Variants in BCR observed in about 807,000 individuals in gnomAD.
The protein encoded by BCR is breakpoint cluster region protein.
In BCR, 58 loss-of-function variants were observed where a neutral mutation model predicts 138.6. The observed-to-expected ratio is 0.42, with a 90% CI of 0.34 to 0.52. The LOEUF (loss-of-function observed/expected upper bound fraction) is 0.52. Ranked by LOEUF, BCR falls within the 20% of genes least tolerant of loss-of-function variation. The pLI, the probability that BCR is intolerant of heterozygous loss-of-function variation, is 0.06. For synonymous variants in BCR, 786 were observed against 730.1 expected (o/e 1.08, Z -1.23); for missense variants, 1,599 against 1,727.2 (o/e 0.93, Z 1.32).
intron 16 of BCR, among the ~76,000 whole-genome samples, chr22:23,297,258 G>A (rs544675143): frequency 3.3e-5 from 4 of 119,914 alleles, no homozygotes; most frequent in African/African-American, 1.3e-4. Flanking sequence ...TTTTGCTCTT[G>A]TTGCCCAGGC....
At chr22:23,284,519 C>T (rs1339420098) in intron 9 of BCR, among the ~76,000 whole-genome samples, 1 of 152,112 alleles carries the variant, frequency 6.6e-6, no homozygotes, top group Non-Finnish European at 1.5e-5. Flanking sequence ...CCAGGTTGCA[C>T]CAGGTTGGAA....
At position 23,227,683 on chromosome 22, in the gene BCR, A is replaced by G. The variant is rs572901186; in HGVS notation, c.1280-26116A>G. ...AGCATTCTCTCTCCTGTCACATCAG[A>G]CCCTTTGCTGGTTTAGATCACAATA... On this transcript the variant is annotated intron_variant, in intron 1 of 22. Coordinates refer to ENST00000305877, the MANE Select transcript of BCR (RefSeq NM_004327.4). Among the ~76,000 whole-genome samples, 24 of 152,296 alleles carry G rather than the reference A, an allele frequency of 1.6e-4. No individual in the cohort carries two copies. The South Asian group carries it at 2.1e-3, about 13-fold the overall frequency.
At chr22:23,226,613 G>C (rs989920968) in intron 1 of BCR, among the ~76,000 whole-genome samples, 1 of 152,192 alleles carries the variant, frequency 6.6e-6, no homozygotes, top group Non-Finnish European at 1.5e-5. Flanking sequence ...CCTGTCTGCT[G>C]CCTGTTTTTG....
At chr22:23,255,333 G>T (rs1197841745) in intron 2 of BCR, among the ~76,000 whole-genome samples, 1 of 152,164 alleles carries the variant, frequency 6.6e-6, no homozygotes. Flanking sequence ...CCCACGTCGA[G>T]TGTCAGCTTT....
intron 16 of BCR, among the ~76,000 whole-genome samples, chr22:23,301,617 C>T (rs1279755577): frequency 1.3e-5 from 2 of 152,242 alleles, no homozygotes; most frequent in African/African-American, 4.8e-5. Context: ...CCTCACTTCC[C>T]AAGTAACCGT....
At chr22:23,210,990 C>T (rs563524187) in intron 1 of BCR, among the ~76,000 whole-genome samples, 1 of 152,320 alleles carries the variant, frequency 6.6e-6, no homozygotes, top group Non-Finnish European at 1.5e-5. Flanking sequence ...GTGCAGTCAT[C>T]ATCACTGTCT....
intron 4 of BCR, among the ~76,000 whole-genome samples, chr22:23,266,993 A>T (rs1483636647): frequency 6.6e-6 from 1 of 152,056 alleles, no homozygotes; most frequent in South Asian, 2.1e-4. Context: ...GGTCCTGACC[A>T]CATTCTCAAA....
intron 1 of BCR, among the ~76,000 whole-genome samples, chr22:23,238,309 T>C (rs908634775): frequency 1.3e-5 from 2 of 152,124 alleles, no homozygotes; most frequent in African/African-American, 4.8e-5. Flanking sequence ...ACATAATCCA[T>C]GTGCACAGAT....
chr22:23,313,860 C>T (rs536236898), intron 20 of BCR, 108 bp from the exon 21 acceptor site: 17 of 903,284 alleles, frequency 1.9e-5, no homozygotes, highest in Admixed American at 6.8e-5. Flanking sequence ...AGGATGATGA[C>T]GAGCCTGGGC....
chr22:23,261,486 C>T lies in BCR; in HGVS notation c.1698C>T (p.Pro566=). The part of the protein sequence containing the change: ...IHKEFYDGLF[P]RVQQWSHQQR... ...AGGAGTTCTATGATGGGCTCTTCCC[C>T]CGCGTGCAGCAGTGGAGCCACCAGC... The change falls in exon 4 of 23, where the codon CCC becomes CCT. Residue 566 remains proline (P), a synonymous_variant. Transcript: ENST00000305877. 6.2e-7 allele frequency: 1 copy of T among 1,613,662 alleles called. No individual in the cohort carries two copies. The highest frequency in any genetic ancestry group is 1.1e-5 in the South Asian group (1 of 91,080).
At chr22:23,261,574 G>A (rs757616487) in intron 4 of BCR, 34 bp downstream of exon 4, 1 of 1,601,954 alleles carries the variant, frequency 6.2e-7, no homozygotes, top group African/African-American at 1.3e-5. Flanking sequence ...GGGACTACAG[G>A]CGTGTACCAC....
At chr22:23,294,306 G>C (rs2073821445) in intron 15 of BCR, among the ~76,000 whole-genome samples, 1 of 152,162 alleles carries the variant, frequency 6.6e-6, no homozygotes, top group South Asian at 2.1e-4. Context: ...TGACAAACGT[G>C]GAATGACGTG....
chr22:23,279,076 C>G (rs1395662535), intron 8 of BCR, among the ~76,000 whole-genome samples: 2 of 152,188 alleles, frequency 1.3e-5, no homozygotes, highest in African/African-American at 4.8e-5. Flanking sequence ...TGGGAGGGTT[C>G]TGTGGAGTGA....
At position 23,217,008 on chromosome 22, in the gene BCR, C is replaced by T. The variant is rs558137772; in HGVS notation, c.1279+34769C>T. ...GGGGGTAGAAAGCTGGACTCTACCTCTTGATGGGAGGAGCAGCAGTGTCAT... is the reference window on the plus strand; with the variant it reads ...GGGGGTAGAAAGCTGGACTCTACCTTTTGATGGGAGGAGCAGCAGTGTCAT... On this transcript the variant is annotated intron_variant, in intron 1 of 22. Transcript: ENST00000305877. The T allele has an allele frequency of 7.1e-5, 32 of 449,612 alleles. 1 individual carries two copies. Among genetic ancestry groups the T allele is most frequent in the South Asian group, 5.1e-4 (32 of 63,274 alleles). The allele number at this position is 449,612 out of a possible 1,614,324, so 27.9% of individuals were successfully genotyped here.
chr22:23,295,888 G>A (rs2073840053), intron 16 of BCR, among the ~76,000 whole-genome samples: 1 of 152,126 alleles, frequency 6.6e-6, no homozygotes, highest in Non-Finnish European at 1.5e-5. Context: ...AGGAAGCCCT[G>A]ATCGTGCTTT....
intron 1 of BCR, among the ~76,000 whole-genome samples, chr22:23,182,618 C>G (rs1263352049): frequency 6.6e-6 from 1 of 152,204 alleles, no homozygotes; most frequent in Non-Finnish European, 1.5e-5. Flanking sequence ...AAGCCGGAGT[C>G]ATCTCTAGCG....
Position 23,284,094 on chromosome 22 carries a change from G to T in BCR, c.2233G>T (p.Gly745Ter). Residue 745 changes from glycine to a stop codon, truncating the protein, a stop_gained, in exon 9 of 23, where the codon GGA (glycine) becomes TGA (stop). Transcript: ENST00000305877. LOFTEE classifies it high-confidence loss of function. ...LLCTKLKKQS[G>*]GKTQQYDCKW... Reference sequence around the variant, plus strand: ...CTGCACCAAGCTCAAGAAGCAGAGCGGAGGGTGAGTGACGATGTGGCCCCT... The same window carrying T: ...CTGCACCAAGCTCAAGAAGCAGAGCTGAGGGTGAGTGACGATGTGGCCCCT... 6.2e-7 allele frequency: 1 copy of T among 1,612,482 alleles called. No homozygotes were observed.
At chr22:23,187,516 T>TA (rs2072360562) in intron 1 of BCR, among the ~76,000 whole-genome samples, 1 of 150,584 alleles carries the variant, frequency 6.6e-6, no homozygotes, top group African/African-American at 2.4e-5. Context: ...TTTTTTTTAA[T>TA]AGAGATTGGA....
At chr22:23,253,257 A>C (rs2073252263) in intron 1 of BCR, among the ~76,000 whole-genome samples, 1 of 152,214 alleles carries the variant, frequency 6.6e-6, no homozygotes, top group African/African-American at 2.4e-5. Flanking sequence ...CCTTTTGGAC[A>C]GCCCTCATTG....
Sources: allele counts gnomAD v4.1 joint callset (sites outside exome capture counted in the v4.1 genomes callset), GRCh38; gene constraint gnomAD v4.1.1; transcripts MANE v1.5; gene names NCBI Gene and HGNC (gene_info 2026-07-23, HGNC 2026-07-21).